KIAA1210: variants seen among roughly 807,000 people sequenced by gnomAD.
KIAA1210 encodes the protein KIAA1210, also known as acrosomal protein KIAA1210.
A neutral mutation model predicts 78.9 loss-of-function variants in KIAA1210; 48 were observed. The observed-to-expected ratio is 0.61, with a 90% confidence interval of 0.48 to 0.77. The LOEUF is 0.77. Ranked by LOEUF, KIAA1210 falls within the 30% of genes least tolerant of loss-of-function variation. KIAA1210 has a pLI of 0.00. For synonymous variants in KIAA1210, 406 were observed against 404.5 expected, an observed-to-expected ratio of 1.00 and a Z score of -0.04; for missense variants, 1,108 against 1,100.0, an observed-to-expected ratio of 1.01 and a Z score of -0.10.
chrX:119,100,329 A>T (rs1227028449), intron 6 of KIAA1210, among the ~76,000 whole-genome samples: 2 of 21,851 alleles, frequency 9.2e-5, no homozygotes, highest in Non-Finnish European at 7.1e-5. Flanking sequence ...GACTGTCTTT[A>T]AAAAAAAAAA....
chrX:119,125,469 A>G (rs1313282606), intron 1 of KIAA1210, among the ~76,000 whole-genome samples: 3 of 107,683 alleles, frequency 2.8e-5, no homozygotes, highest in Admixed American at 2.0e-4. Context: ...CATGAAAAGG[A>G]TAGTTCTCCC....
chrX:119,134,521 C>T (rs924785582), intron 2 of KIAA1210, among the ~76,000 whole-genome samples: 5 of 112,172 alleles, frequency 4.5e-5, no homozygotes, highest in African/African-American at 1.6e-4. Context: ...AGAAGATCAT[C>T]TTTCTACATT....
chrX:119,120,220 G>A (rs191824884), intron 2 of KIAA1210, among the ~76,000 whole-genome samples: 237 of 111,569 alleles, frequency 2.1e-3, no homozygotes, highest in African/African-American at 7.1e-3. Context: ...GTGCCCAGAC[G>A]ATTTATTGAT....
upstream of KIAA1210, among the ~76,000 whole-genome samples, chrX:119,132,255 C>T (rs1243099501): frequency 8.9e-6 from 1 of 112,039 alleles, no homozygotes; most frequent in Non-Finnish European, 1.9e-5. Context: ...CTCATAGAAA[C>T]TGAGAGATGG....
chrX:119,147,417 A>G (rs1929192848), intron 2 of KIAA1210: 2 of 1,192,877 alleles, frequency 1.7e-6, no homozygotes, highest in African/African-American at 1.7e-5. Flanking sequence ...CATAATTTAC[A>G]ATAGTAATTC....
Position 119,096,692 on chromosome X carries a change from C to G in KIAA1210, c.649-1G>C. On this transcript the variant is annotated splice_acceptor_variant, in intron 6 of 11. Coordinates refer to ENST00000691062, the MANE Select transcript of KIAA1210 (RefSeq NM_001394962.1). LOFTEE classifies it high-confidence loss of function. Reference sequence around the variant, plus strand: ...GTCCAGATGATAACTCAGAGAAGCTCTGGGGAAGGTGGGAGAAAATAGACG... The same window carrying G: ...GTCCAGATGATAACTCAGAGAAGCTGTGGGGAAGGTGGGAGAAAATAGACG... 1.7e-6 allele frequency: 2 copies of G among 1,188,255 alleles called. No homozygotes were observed. The highest frequency in any genetic ancestry group is 3.0e-5 in the East Asian group (1 of 33,342).
At chrX:119,147,390 A>AG (rs1336164934) in intron 2 of KIAA1210, 1 of 1,124,838 alleles carries the variant, frequency 8.9e-7, no homozygotes, top group East Asian at 3.0e-5. Flanking sequence ...TTTGCAGCCA[A>AG]GGGGAGCAGG....
At chrX:119,101,494 C>T (rs945486886) in intron 6 of KIAA1210, among the ~76,000 whole-genome samples, 7 of 110,244 alleles carry the variant, frequency 6.3e-5, no homozygotes, top group Middle Eastern at 4.2e-3. Context: ...CAAGAAGAAG[C>T]GACTCTTGGT....
intron 2 of KIAA1210, among the ~76,000 whole-genome samples, chrX:119,136,107 AT>A (rs1928907953): frequency 8.9e-6 from 1 of 111,773 alleles, no homozygotes; most frequent in Non-Finnish European, 1.9e-5. Flanking sequence ...GAGGATGTGA[AT>A]TTTACATAGC....
At chrX:119,106,757 A>G (rs1927906223) in intron 5 of KIAA1210, among the ~76,000 whole-genome samples, 3 of 112,780 alleles carry the variant, frequency 2.7e-5, no homozygotes, top group African/African-American at 3.2e-5. Context: ...TAATGTAGGC[A>G]TCCACATTCC....
intron 10 of KIAA1210, among the ~76,000 whole-genome samples, chrX:119,083,958 C>T (rs1284696048): frequency 2.2e-5 from 2 of 92,003 alleles, no homozygotes; most frequent in Non-Finnish European, 4.1e-5. Flanking sequence ...GTGATTGCAC[C>T]ACTGCACTCC....
chrX:119,107,770 C>T (rs1488671980), intron 5 of KIAA1210, among the ~76,000 whole-genome samples: 1 of 111,912 alleles, frequency 8.9e-6, no homozygotes, highest in Non-Finnish European at 1.9e-5. Context: ...TCTCTTCCCA[C>T]TTACACAGGG....
chrX:119,108,288 T>C, intron 5 of KIAA1210, 49 bp downstream of exon 5: 1 of 1,132,794 alleles, frequency 8.8e-7, no homozygotes, highest in Middle Eastern at 2.6e-4. Context: ...AGCATAGATC[T>C]GTCTTTCTGA....
intron 2 of KIAA1210, among the ~76,000 whole-genome samples, chrX:119,141,123 C>G: frequency 9.0e-6 from 1 of 111,667 alleles, no homozygotes; most frequent in East Asian, 2.8e-4. Flanking sequence ...CTCCCAGGAC[C>G]CTTTCCTTTC....
At position 119,089,546 on chromosome X, in the gene KIAA1210, C is replaced by T. The variant is rs1373750601; in HGVS notation, c.1156G>A (p.Glu386Lys). 1.7e-6 allele frequency: 2 copies of T among 1,211,449 alleles called. No individual in the cohort carries two copies. Among genetic ancestry groups the T allele is most frequent in the Non-Finnish European group, 2.2e-6 (2 of 895,330 alleles). Residue 386 changes from glutamate to lysine, a missense_variant, in exon 9 of 12, where the codon GAA becomes AAA. Physicochemically the swap from Glu to Lys is moderately conservative, Grantham distance 56. Transcript: ENST00000691062. ...GCTCTATCGCCCAGGCCATACCCTT[C>T]ACTGGATTGTTTAAGGCTTCTTCCT... ...FKGRSLKQSS[E>K]GYGLGDRAGS...
intron 3 of KIAA1210, among the ~76,000 whole-genome samples, chrX:119,114,372 C>G (rs1251363057): frequency 8.9e-6 from 1 of 112,166 alleles, no homozygotes; most frequent in Non-Finnish European, 1.9e-5. Context: ...CCAGGTGGCC[C>G]TGGTGTTGGA....
chrX:119,117,888 C>T (rs1169582684), intron 2 of KIAA1210, among the ~76,000 whole-genome samples: 1 of 111,516 alleles, frequency 9.0e-6, no homozygotes, highest in African/African-American at 3.3e-5. Context: ...GCTACAATTA[C>T]AGGCATGAGC....
chrX:119,084,133 A>C (rs1363710017), intron 10 of KIAA1210, among the ~76,000 whole-genome samples: 1 of 110,834 alleles, frequency 9.0e-6, no homozygotes, highest in Non-Finnish European at 1.9e-5. Context: ...ACCTCCTCGC[A>C]CAGTCCTTCA....
chrX:119,088,201 C>G lies in KIAA1210; in HGVS notation c.2501G>C (p.Arg834Thr), dbSNP rs1927225865. The change falls in exon 9 of 12, where the codon AGA becomes ACA. Residue 834 changes from arginine to threonine, a missense_variant. Physicochemically the swap from Arg to Thr is moderately conservative, Grantham distance 71 (BLOSUM62 -1). Transcript: ENST00000691062. Reference sequence around the variant, plus strand: ...GAGTAGTGGCTCCACAGAAATGACTCTCTCAACAGCAATGTCCTCTGAACC... The same window carrying G: ...GAGTAGTGGCTCCACAGAAATGACTGTCTCAACAGCAATGTCCTCTGAACC... ...FSGSEDIAVE[R>T]VISVEPLLPR... The G allele has an allele frequency of 1.7e-6, 2 of 1,210,957 alleles. No homozygotes were observed. Among genetic ancestry groups the G allele is most frequent in the Non-Finnish European group, 1.1e-6 (1 of 894,843 alleles).
Sources: allele counts gnomAD v4.1 joint callset (sites outside exome capture counted in the v4.1 genomes callset), GRCh38; gene constraint gnomAD v4.1.1; transcripts MANE v1.5; gene names NCBI Gene and HGNC (gene_info 2026-07-23, HGNC 2026-07-21).